Variants in SIPA1L3 observed in about 807,000 individuals in gnomAD.
SIPA1L3 encodes signal-induced proliferation-associated 1-like protein 3.
In SIPA1L3, 59 loss-of-function variants were observed where a neutral mutation model predicts 150.1. The observed-to-expected ratio is 0.39, with a 90% CI of 0.32 to 0.49. The LOEUF is 0.49. Among genes scored for constraint, SIPA1L3 ranks in the 20% least tolerant of loss-of-function variants. SIPA1L3 has a pLI of 0.86. For synonymous variants in SIPA1L3, 1,070 were observed against 1,077.6 expected (o/e 0.99, Z 0.14); for missense variants, 2,211 against 2,489.5 (o/e 0.89, Z 2.38).
At chr19:38,187,469 G>A (rs1212106065) in intron 16 of SIPA1L3, among the ~76,000 whole-genome samples, 2 of 150,558 alleles carry the variant, frequency 1.3e-5, no homozygotes. Context: ...AAGACAAAAG[G>A]CACTTTGGGA....
chr19:38,064,417 C>T (rs1401378057), intron 2 of SIPA1L3, among the ~76,000 whole-genome samples: 1 of 152,216 alleles, frequency 6.6e-6, no homozygotes, highest in Non-Finnish European at 1.5e-5. Context: ...AAAATGAAGG[C>T]CGGGCACAGT....
intron 12 of SIPA1L3, among the ~76,000 whole-genome samples, chr19:38,143,257 C>A (rs11083447): frequency 6.6e-6 from 1 of 151,878 alleles, no homozygotes; most frequent in African/African-American, 2.4e-5. Flanking sequence ...CCCCAGCTGC[C>A]TTCAGCCCTC....
intron 4 of SIPA1L3, among the ~76,000 whole-genome samples, chr19:38,092,684 T>C (rs950526738): frequency 6.6e-6 from 1 of 152,094 alleles, no homozygotes; most frequent in Non-Finnish European, 1.5e-5. Context: ...ATGCTGGGCA[T>C]GGAGGGTACC....
chr19:38,134,403 CAAAA>C (rs1175309814), intron 10 of SIPA1L3, among the ~76,000 whole-genome samples: 5,371 of 64,100 alleles, frequency 0.084, 462 homozygotes, highest in African/African-American at 0.26. Flanking sequence ...CAAGCTTTCT[CAAAA>C]AAAAAAAAAA....
intron 1 of SIPA1L3, among the ~76,000 whole-genome samples, chr19:37,922,429 T>G (rs1327389576): frequency 6.6e-6 from 1 of 151,782 alleles, no homozygotes; most frequent in Non-Finnish European, 1.5e-5. Flanking sequence ...AGTCTTGCTC[T>G]GTCGCCCAGG....
intron 10 of SIPA1L3, among the ~76,000 whole-genome samples, chr19:38,134,319 T>C (rs1241249828): frequency 6.9e-6 from 1 of 145,036 alleles, no homozygotes; most frequent in South Asian, 2.2e-4. Flanking sequence ...TGATGGCACA[T>C]GCATGTAGTC....
At chr19:38,157,463 T>C (rs970783337) in intron 13 of SIPA1L3, among the ~76,000 whole-genome samples, 1 of 152,192 alleles carries the variant, frequency 6.6e-6, no homozygotes, top group Admixed American at 6.6e-5. Flanking sequence ...CGGAGCCCTG[T>C]TGGGTCCCAG....
chr19:38,074,814 G>A lies in SIPA1L3; in HGVS notation c.-310-6442G>A, dbSNP rs1969804528. ...GAGTCTTGCTCTATCACTTGGGCTG[G>A]AGTGCAGTGGCACAATCACAGCCCA... On this transcript the variant is annotated intron_variant, in intron 2 of 21. Coordinates refer to ENST00000222345, the MANE Select transcript of SIPA1L3 (RefSeq NM_015073.3). 2.6e-5 allele frequency among the ~76,000 whole-genome samples: 4 copies of A among 152,188 alleles called. 1 individual carries two copies. The South Asian group carries it at 8.3e-4, about 31-fold the overall frequency.
At chr19:38,052,319 C>T (rs935279050) in intron 2 of SIPA1L3, among the ~76,000 whole-genome samples, 3 of 152,146 alleles carry the variant, frequency 2.0e-5, no homozygotes, top group African/African-American at 7.2e-5. Context: ...TGGGGAGGAG[C>T]AGAGAAACCA....
intron 4 of SIPA1L3, among the ~76,000 whole-genome samples, chr19:38,097,211 A>G (rs764186989): frequency 1.6e-4 from 24 of 152,148 alleles, no homozygotes; most frequent in Admixed American, 1.2e-3. Context: ...TTAGCCAGGC[A>G]TGGTGGCACA....
intron 13 of SIPA1L3, among the ~76,000 whole-genome samples, chr19:38,154,769 T>C (rs1273315087): frequency 6.6e-6 from 1 of 150,696 alleles, no homozygotes; most frequent in Non-Finnish European, 1.5e-5. Context: ...ATTCATTTTT[T>C]TTTTTTTTTT....
chr19:37,940,298 C>CAA (rs112289247), intron 1 of SIPA1L3, among the ~76,000 whole-genome samples: 3 of 135,028 alleles, frequency 2.2e-5, no homozygotes, highest in South Asian at 2.4e-4. Flanking sequence ...AACAAACAAA[C>CAA]AAAAAAAAAA....
At chr19:37,999,569 C>T (rs954126001) in intron 1 of SIPA1L3, among the ~76,000 whole-genome samples, 3 of 152,150 alleles carry the variant, frequency 2.0e-5, no homozygotes, top group South Asian at 2.1e-4. Context: ...GAGGGGCTTC[C>T]GCAGTCCATC....
chr19:37,979,165 T>C (rs1455637072), intron 1 of SIPA1L3, among the ~76,000 whole-genome samples: 1 of 152,110 alleles, frequency 6.6e-6, no homozygotes, highest in Non-Finnish European at 1.5e-5. Context: ...ACTGCCTGTT[T>C]TTGTATGGCC....
intron 3 of SIPA1L3, 109 bp downstream of exon 3, chr19:38,083,208 T>C: frequency 1.7e-6 from 2 of 1,171,996 alleles, no homozygotes; most frequent in Admixed American, 4.4e-5. Flanking sequence ...GCACTGAGGA[T>C]GTGGCGGGAA....
chr19:37,921,529 G>T (rs2046457320), intron 1 of SIPA1L3, among the ~76,000 whole-genome samples: 1 of 152,134 alleles, frequency 6.6e-6, no homozygotes, highest in South Asian at 2.1e-4. Context: ...AGACAGGGAA[G>T]TCCTGCACCC....
intron 3 of SIPA1L3, among the ~76,000 whole-genome samples, chr19:38,084,273 C>T (rs549816539): frequency 1.9e-4 from 29 of 152,148 alleles, no homozygotes; most frequent in Non-Finnish European, 2.4e-4. Context: ...GTCAAGTCAA[C>T]CCCCTTATGC....
chr19:38,014,921 G>A (rs915331143), intron 1 of SIPA1L3, among the ~76,000 whole-genome samples: 8 of 151,904 alleles, frequency 5.3e-5, no homozygotes, highest in African/African-American at 1.5e-4. Flanking sequence ...CACCCACCTC[G>A]GCCTCCCAAA....
chr19:38,078,023 AT>A (rs1969885852), intron 2 of SIPA1L3, among the ~76,000 whole-genome samples: 1 of 151,934 alleles, frequency 6.6e-6, no homozygotes, highest in Non-Finnish European at 1.5e-5. Context: ...TAGATTTCTG[AT>A]TTCTGTTGGA....
Sources: gnomAD v4.1 joint callset for allele counts (sites outside exome capture counted in the v4.1 genomes callset) on GRCh38, gnomAD v4.1.1 for gene constraint, MANE v1.5 for transcripts, NCBI Gene and HGNC (gene_info 2026-07-23, HGNC 2026-07-21) for gene names.